Variants in CACNA2D1 observed in about 807,000 individuals in gnomAD.
CACNA2D1 encodes the protein calcium voltage-gated channel auxiliary subunit alpha2delta 1, also known as voltage-dependent calcium channel subunit alpha-2/delta-1.
Under a neutral mutation model 171.5 loss-of-function variants are expected in CACNA2D1, and 53 were observed. The observed-to-expected ratio is 0.31, with a 90% CI of 0.25 to 0.39. CACNA2D1 has a LOEUF of 0.39. CACNA2D1 is among the 10% of genes least tolerant of loss of function. The probability of loss-of-function intolerance (pLI) is 1.00; values close to 1 mark genes in which losing one functional copy is unlikely to be tolerated. For synonymous variants in CACNA2D1, 442 were observed against 443.1 expected (o/e 1.00, Z 0.03); for missense variants, 903 against 1,299.8 (o/e 0.69, Z 4.69).
intron 27 of CACNA2D1, among the ~76,000 whole-genome samples, chr7:81,970,200 C>A (rs1008391784): frequency 7.9e-5 from 12 of 151,396 alleles, no homozygotes; most frequent in African/African-American, 2.9e-4. Flanking sequence ...TAGTTTTACT[C>A]CGTTGTTTAC....
At chr7:82,287,913 C>G (rs1161422735) in intron 3 of CACNA2D1, among the ~76,000 whole-genome samples, 1 of 151,770 alleles carries the variant, frequency 6.6e-6, no homozygotes, top group Non-Finnish European at 1.5e-5. Context: ...GATCTGCAAG[C>G]TCCGCCTCCC....
intron 6 of CACNA2D1, among the ~76,000 whole-genome samples, chr7:82,100,196 T>C (rs1173100802): frequency 1.3e-5 from 2 of 152,334 alleles, no homozygotes; most frequent in East Asian, 3.9e-4. Flanking sequence ...CTTTTAGAGA[T>C]TCCAAATGCA....
intron 1 of CACNA2D1, among the ~76,000 whole-genome samples, chr7:82,375,084 T>C (rs1822866194): frequency 6.6e-6 from 1 of 152,044 alleles, no homozygotes; most frequent in African/African-American, 2.4e-5. Flanking sequence ...GAATTTCAAA[T>C]GAAAAATTGG....
chr7:82,026,650 A>G (rs1584463774), intron 12 of CACNA2D1, among the ~76,000 whole-genome samples: 1 of 151,852 alleles, frequency 6.6e-6, no homozygotes, highest in Middle Eastern at 3.4e-3. Context: ...TTTGTTATTA[A>G]TATCTGTGGG....
rs1315825358 is a variant in CACNA2D1 at position 82,443,698 on chromosome 7, G to A, written c.-239C>T. 5 of 1,235,920 alleles carry A rather than the reference G, an allele frequency of 4.0e-6. No homozygotes were observed. Among genetic ancestry groups the A allele is most frequent in the Admixed American group, 4.2e-5 (1 of 23,662 alleles). 76.6% of individuals were successfully genotyped at this position (1,235,920 alleles called of 1,614,324 possible). A position where few individuals can be genotyped will look rare whatever the true frequency, so the allele number is the denominator to read the frequency against. ...CGTGCGTCGGCTGCTCCGCGCCGCG[G>A]CCGCCTTGCCTCCGCCGCCATCAAG... is the stretch of plus-strand genomic sequence containing the variant. On this transcript the variant is annotated 5_prime_UTR_variant, in exon 1 of 39. Coordinates refer to ENST00000356860, the MANE Select transcript of CACNA2D1 (RefSeq NM_000722.4).
chr7:82,009,475 C>T (rs908158301), intron 15 of CACNA2D1, among the ~76,000 whole-genome samples: 5 of 151,946 alleles, frequency 3.3e-5, no homozygotes, highest in African/African-American at 7.3e-5. Context: ...TAGATTAATT[C>T]GTAAAACTGG....
At chr7:82,081,245 A>AT (rs1320233220) in intron 7 of CACNA2D1, among the ~76,000 whole-genome samples, 1 of 152,152 alleles carries the variant, frequency 6.6e-6, no homozygotes, top group Admixed American at 6.5e-5. Flanking sequence ...CTTCTATATT[A>AT]TTTTGCTTCT....
At chr7:82,264,706 T>C (rs187148886) in intron 3 of CACNA2D1, among the ~76,000 whole-genome samples, 2 of 152,314 alleles carry the variant, frequency 1.3e-5, no homozygotes, top group East Asian at 1.9e-4. Flanking sequence ...GTAAATGACT[T>C]TGTGTCTCAC....
chr7:82,057,943 A>T (rs955917859), intron 10 of CACNA2D1, among the ~76,000 whole-genome samples: 3 of 152,116 alleles, frequency 2.0e-5, no homozygotes, highest in African/African-American at 7.2e-5. Context: ...AAAGATTGTG[A>T]CCAGTCTCCA....
intron 1 of CACNA2D1, among the ~76,000 whole-genome samples, chr7:82,397,569 A>G (rs566583339): frequency 6.6e-6 from 1 of 152,352 alleles, no homozygotes; most frequent in South Asian, 2.1e-4. Flanking sequence ...AAAACAGTGA[A>G]GAAATACAAA....
chr7:82,220,781 CTTT>C (rs71093369), intron 3 of CACNA2D1, among the ~76,000 whole-genome samples: 1 of 134,414 alleles, frequency 7.4e-6, no homozygotes, highest in Non-Finnish European at 1.6e-5. Context: ...TTTCTTTTTT[CTTT>C]TTTTTTTTTT....
intron 1 of CACNA2D1, among the ~76,000 whole-genome samples, chr7:82,373,548 CG>C (rs1247400641): frequency 6.6e-6 from 1 of 152,130 alleles, no homozygotes; most frequent in African/African-American, 2.4e-5. Context: ...TAAAACACAT[CG>C]TACTGCCTTG....
At chr7:82,376,092 G>A (rs1163688656) in intron 1 of CACNA2D1, among the ~76,000 whole-genome samples, 1 of 152,132 alleles carries the variant, frequency 6.6e-6, no homozygotes, top group Non-Finnish European at 1.5e-5. Context: ...AAAAAAATCT[G>A]CCTGGTGTCC....
chr7:82,415,363 G>A (rs1185745394), intron 1 of CACNA2D1, among the ~76,000 whole-genome samples: 3 of 151,894 alleles, frequency 2.0e-5, no homozygotes, highest in Admixed American at 6.6e-5. Flanking sequence ...ATGAAACCCC[G>A]TCTCTACTAA....
intron 10 of CACNA2D1, among the ~76,000 whole-genome samples, chr7:82,047,429 G>A (rs1804680186): frequency 6.6e-6 from 1 of 152,090 alleles, no homozygotes; most frequent in Non-Finnish European, 1.5e-5. Context: ...AACTAAAACA[G>A]ATGGCTCAGT....
chr7:82,174,139 A>G (rs1471760214), intron 3 of CACNA2D1, among the ~76,000 whole-genome samples: 1 of 147,616 alleles, frequency 6.8e-6, no homozygotes, highest in East Asian at 2.0e-4. Flanking sequence ...TTGGCTATAT[A>G]AGTATATCCT....
intron 6 of CACNA2D1, among the ~76,000 whole-genome samples, chr7:82,101,071 T>C (rs1488056119): frequency 1.3e-5 from 2 of 152,106 alleles, no homozygotes; most frequent in Admixed American, 6.6e-5. Flanking sequence ...TCATATTCCT[T>C]TGTAGACTTT....
chr7:82,194,222 T>C (rs907179149), intron 3 of CACNA2D1, among the ~76,000 whole-genome samples: 1 of 152,016 alleles, frequency 6.6e-6, no homozygotes, highest in African/African-American at 2.4e-5. Context: ...TTATCAATTA[T>C]CATAAGCAAC....
chr7:82,188,276 A>T (rs1435530649), intron 3 of CACNA2D1, among the ~76,000 whole-genome samples: 1 of 152,140 alleles, frequency 6.6e-6, no homozygotes, highest in African/African-American at 2.4e-5. Flanking sequence ...AATAGACCAA[A>T]GTATACTAAA....
Sources: allele counts gnomAD v4.1 joint callset (sites outside exome capture counted in the v4.1 genomes callset), GRCh38; gene constraint gnomAD v4.1.1; transcripts MANE v1.5; gene names NCBI Gene and HGNC (gene_info 2026-07-23, HGNC 2026-07-21).